TAF3: variants seen among roughly 807,000 people sequenced by gnomAD.
TAF3 encodes transcription initiation factor TFIID subunit 3.
TAF3 carries 7 observed loss-of-function variants against 80.6 expected under a neutral mutation model. The observed-to-expected ratio is 0.09, with a 90% CI of 0.05 to 0.16. The LOEUF is 0.16. Among genes scored for constraint, TAF3 ranks in the 10% least tolerant of loss-of-function variants. TAF3 has a pLI of 1.00. For missense variants in TAF3, 921 were observed against 1,140.2 expected (o/e 0.81, Z 2.77); for synonymous variants, 444 against 446.1 (o/e 1.00, Z 0.06).
intron 2 of TAF3, among the ~76,000 whole-genome samples, chr10:7,953,162 C>T (rs1044788421): frequency 7.9e-5 from 12 of 152,184 alleles, no homozygotes; most frequent in African/African-American, 2.4e-4. Flanking sequence ...AACATTCCAT[C>T]ACGTTGTTTC....
intron 2 of TAF3, among the ~76,000 whole-genome samples, chr10:7,932,586 C>T (rs1171895544): frequency 3.9e-5 from 6 of 152,042 alleles, no homozygotes; most frequent in African/African-American, 1.4e-4. Context: ...TTGAAGTACT[C>T]CCAATGTAAA....
chr10:7,991,003 A>G (rs1362929496), intron 4 of TAF3, among the ~76,000 whole-genome samples: 1 of 152,104 alleles, frequency 6.6e-6, no homozygotes, highest in Non-Finnish European at 1.5e-5. Flanking sequence ...GATGCCTTCA[A>G]CCCTTTTAAG....
chr10:7,879,085 T>A (rs936218358), intron 2 of TAF3, among the ~76,000 whole-genome samples: 1 of 152,180 alleles, frequency 6.6e-6, no homozygotes, highest in Non-Finnish European at 1.5e-5. Flanking sequence ...AGATATCTTT[T>A]TGAAGCTAAG....
At chr10:7,930,027 C>T (rs1837853880) in intron 2 of TAF3, among the ~76,000 whole-genome samples, 1 of 152,094 alleles carries the variant, frequency 6.6e-6, no homozygotes, top group South Asian at 2.1e-4. Context: ...GATAGGGAGG[C>T]CCTGACCCTA....
At chr10:7,875,533 C>T (rs986324955) in intron 2 of TAF3, among the ~76,000 whole-genome samples, 1 of 152,158 alleles carries the variant, frequency 6.6e-6, no homozygotes, top group Non-Finnish European at 1.5e-5. Context: ...GGATGCTGTC[C>T]TTCCAGAGCC....
intron 2 of TAF3, among the ~76,000 whole-genome samples, chr10:7,917,579 A>G (rs903515956): frequency 6.6e-6 from 1 of 152,190 alleles, no homozygotes; most frequent in Admixed American, 6.5e-5. Context: ...TTGGTCAAGG[A>G]TGCAGCATGG....
intron 2 of TAF3, among the ~76,000 whole-genome samples, chr10:7,838,459 G>A (rs1211639649): frequency 6.6e-6 from 1 of 152,084 alleles, no homozygotes; most frequent in East Asian, 1.9e-4. Flanking sequence ...TCGACTCACT[G>A]CAACCTCTGC....
At chr10:7,922,650 T>C (rs1837775362) in intron 2 of TAF3, among the ~76,000 whole-genome samples, 1 of 152,064 alleles carries the variant, frequency 6.6e-6, no homozygotes, top group Non-Finnish European at 1.5e-5. Flanking sequence ...ATTTAAATAA[T>C]AGGTTTGTAA....
intron 2 of TAF3, among the ~76,000 whole-genome samples, chr10:7,963,543 CT>C (rs1306913816): frequency 3.4e-5 from 5 of 148,424 alleles, no homozygotes; most frequent in African/African-American, 4.9e-5. Flanking sequence ...CAATAATTTC[CT>C]TTTTTTTTTA....
At chr10:7,940,965 GAAA>G (rs539294662) in intron 2 of TAF3, among the ~76,000 whole-genome samples, 1 of 125,016 alleles carries the variant, frequency 8.0e-6, no homozygotes, top group Non-Finnish European at 1.8e-5. Context: ...TCTCAAAAAA[GAAA>G]AAAAAAAAGA....
chr10:7,947,423 G>C (rs1359025829), intron 2 of TAF3, among the ~76,000 whole-genome samples: 2 of 152,150 alleles, frequency 1.3e-5, no homozygotes, highest in African/African-American at 4.8e-5. Context: ...TTTGGTGAGG[G>C]AGACAAAAAA....
intron 2 of TAF3, among the ~76,000 whole-genome samples, chr10:7,847,651 C>T (rs1344785004): frequency 6.6e-6 from 1 of 152,148 alleles, no homozygotes; most frequent in Non-Finnish European, 1.5e-5. Flanking sequence ...TGCTGTGTTG[C>T]CCTGGTTGGT....
rs187513082 is a variant in TAF3, at chr10:7,957,780, G to A, written c.410-6140G>A. On this transcript the variant is annotated intron_variant, in intron 2 of 6. Coordinates refer to ENST00000344293, the MANE Select transcript of TAF3 (RefSeq NM_031923.4). Reference sequence around the variant, plus strand: ...TATATACACATGCTGTCTGTCTCACGCTCTCTCTAGCGCGCTCTCTCTCTC... The same window carrying A: ...TATATACACATGCTGTCTGTCTCACACTCTCTCTAGCGCGCTCTCTCTCTC... Among the ~76,000 whole-genome samples the A allele has an allele frequency of 6.4e-3, 552 of 85,610 alleles. 2 individuals carry two copies. The highest frequency in any genetic ancestry group is 0.019 in the African/African-American group (496 of 26,194). 56.2% of individuals were successfully genotyped at this position (85,610 alleles called of 152,430 possible).
At chr10:7,927,173 G>A (rs181355876) in intron 2 of TAF3, among the ~76,000 whole-genome samples, 237 of 152,272 alleles carry the variant, frequency 1.6e-3, no homozygotes, top group African/African-American at 5.4e-3. Context: ...CATCTTTCAT[G>A]TCCATGAGTT....
chr10:7,889,575 G>A (rs1837439972), intron 2 of TAF3, among the ~76,000 whole-genome samples: 1 of 152,232 alleles, frequency 6.6e-6, no homozygotes, highest in African/African-American at 2.4e-5. Context: ...CAGGGCTAAT[G>A]TATGCCTCCT....
rs201204620 is a variant in TAF3 at position 7,964,275 on chromosome 10, A to C, written c.765A>C (p.Ser255=). ...EPPMLAPVAK[S]QMPTAKPLET... ...CAATGTTGGCTCCAGTTGCAAAATC[A>C]CAAATGCCAACTGCAAAACCATTAG... is the stretch of plus-strand genomic sequence containing the variant. The change falls in exon 3 of 7, where the codon TCA becomes TCC. Residue 255 remains serine, a synonymous_variant. Transcript: ENST00000344293. The surrounding 1 kb of genome is among the most constrained non-coding windows in gnomAD (Gnocchi z 4.1). The C allele has an allele frequency of 6.2e-7, 1 of 1,614,226 alleles. No homozygotes were observed. The highest frequency in any genetic ancestry group is 2.2e-5 in the East Asian group (1 of 44,888).
chr10:7,872,542 G>A (rs11255419), intron 2 of TAF3, among the ~76,000 whole-genome samples: 30,814 of 152,048 alleles, frequency 0.2, 3,217 homozygotes, highest in South Asian at 0.27. Flanking sequence ...ATTACTCAAT[G>A]GGGAACGTTT....
chr10:7,967,772 A>G (rs556184526), intron 3 of TAF3, among the ~76,000 whole-genome samples: 2 of 152,296 alleles, frequency 1.3e-5, no homozygotes, highest in South Asian at 2.1e-4. Flanking sequence ...GAATCAAACT[A>G]TAAAATGTAG....
At chr10:7,871,226 G>A (rs1588533100) in intron 2 of TAF3, among the ~76,000 whole-genome samples, 2 of 152,116 alleles carry the variant, frequency 1.3e-5, no homozygotes, top group East Asian at 1.9e-4. Context: ...ACTTGCATAT[G>A]TGGTAGAATT....
Sources: allele counts gnomAD v4.1 joint callset (sites outside exome capture counted in the v4.1 genomes callset), GRCh38; gene constraint gnomAD v4.1.1; non-coding constraint Gnocchi (gnomAD v3.1); transcripts MANE v1.5; gene names NCBI Gene and HGNC (gene_info 2026-07-23, HGNC 2026-07-21).